ATR: variants seen among roughly 807,000 people sequenced by gnomAD.
ATR encodes the protein serine/threonine-protein kinase ATR.
In ATR, 142 loss-of-function variants were observed where a neutral mutation model predicts 305.3. The ratio of observed to expected loss-of-function variants is 0.47; its 90% CI spans 0.41 to 0.53. ATR has a LOEUF of 0.53. ATR is among the 20% of genes least tolerant of loss of function. ATR has a pLI of 0.00. For synonymous variants in ATR, 1,050 were observed against 1,068.1 expected (o/e 0.98, Z 0.33); for missense variants, 2,135 against 3,133.1 (o/e 0.68, Z 7.60).
intron 21 of ATR, among the ~76,000 whole-genome samples, chr3:142,527,252 T>C (rs1043354500): frequency 3.3e-5 from 5 of 152,194 alleles, no homozygotes; most frequent in African/African-American, 7.2e-5. Context: ...ATGGAAGTTT[T>C]CTTTCATTTC....
intron 21 of ATR, among the ~76,000 whole-genome samples, chr3:142,528,869 ATATATATATATTTTTTT>A (rs1312380994): frequency 8.5e-5 from 5 of 58,540 alleles, no homozygotes; most frequent in African/African-American, 6.3e-4. Context: ...ATATATATAT[ATATATATATATTTTTTT>A]TTTTTTTTTT....
chr3:142,547,775 T>C lies in ATR; in HGVS notation c.3307A>G (p.Ser1103Gly), dbSNP rs142583176. Reference sequence around the variant, plus strand: ...CTCGGGCCCTGATATGGATCATCACTGGATGCAAATGAGGCAAGTATTGAC... The same window carrying C: ...CTCGGGCCCTGATATGGATCATCACCGGATGCAAATGAGGCAAGTATTGAC... The part of the protein sequence containing the change: ...GLSILASFAS[S>G]DDPYQGPRDI... The change falls in exon 16 of 47, where the codon AGT (serine) becomes GGT (glycine). Residue 1103 changes from serine to glycine, a missense_variant. Ser to Gly is a moderately conservative substitution (Grantham distance 56). Around this residue, in one of 9 missense-constraint regions of ATR, gnomAD observed 530 missense variants for 766.8 expected, o/e 0.69. Coordinates refer to ENST00000350721, the MANE Select transcript of ATR (RefSeq NM_001184.4). 2.5e-6 allele frequency: 4 copies of C among 1,614,014 alleles called. No homozygotes were observed. The highest frequency in any genetic ancestry group is 3.4e-6 in the Non-Finnish European group (4 of 1,179,930).
chr3:142,554,732 G>A (rs1036644679), intron 10 of ATR, among the ~76,000 whole-genome samples: 50 of 151,932 alleles, frequency 3.3e-4, no homozygotes, highest in African/African-American at 1.2e-3. Context: ...AGACCAGCCT[G>A]GGCAACAAAG....
intron 16 of ATR, among the ~76,000 whole-genome samples, chr3:142,546,850 A>G (rs1395318437): frequency 6.6e-6 from 1 of 152,218 alleles, no homozygotes; most frequent in Non-Finnish European, 1.5e-5. Flanking sequence ...GACAAAAGGA[A>G]TTTCATGGAA....
Position 142,498,759 on chromosome 3 carries a change from G to A in ATR, c.5396C>T (p.Thr1799Ile), listed in dbSNP as rs148117747. The A allele has an allele frequency of 6.2e-7, 1 of 1,614,028 alleles. No homozygotes were observed. Among genetic ancestry groups the A allele is most frequent in the Non-Finnish European group, 8.5e-7 (1 of 1,179,978 alleles). The change falls in exon 32 of 47, where the codon ACA (threonine) becomes ATA (isoleucine). Residue 1799 changes from threonine to isoleucine, a missense_variant. Physicochemically the swap from Thr to Ile is moderately conservative, Grantham distance 89. Transcript: ENST00000350721. ...TAGCTGTCCCAGTCTGACACTCCAT[G>A]TTGTAGATTTTCCATCTGAAAAACA... ...NYLAADGKST[T>I]WSVRLGQLLL...
At chr3:142,491,519 G>T (rs530544998) in intron 35 of ATR, among the ~76,000 whole-genome samples, 1 of 152,290 alleles carries the variant, frequency 6.6e-6, no homozygotes, top group Admixed American at 6.5e-5. Flanking sequence ...GAGTTTTTGT[G>T]TGCCTCATAA....
At chr3:142,574,049 CAG>C (rs1352292193) in intron 1 of ATR, among the ~76,000 whole-genome samples, 2 of 152,166 alleles carry the variant, frequency 1.3e-5, no homozygotes, top group African/African-American at 2.4e-5. Flanking sequence ...GGGTAGTGGT[CAG>C]AGTTTCTTAC....
At chr3:142,515,937 G>C (rs1390046449) in intron 24 of ATR, among the ~76,000 whole-genome samples, 1 of 152,122 alleles carries the variant, frequency 6.6e-6, no homozygotes, top group East Asian at 1.9e-4. Flanking sequence ...TGTCTAGCTG[G>C]AGCACTTAAT....
chr3:142,477,444 A>G (rs1319764101), intron 36 of ATR, among the ~76,000 whole-genome samples: 4 of 152,174 alleles, frequency 2.6e-5, no homozygotes, highest in African/African-American at 9.7e-5. Flanking sequence ...GATGAAGCCC[A>G]CTTCATCATG....
At chr3:142,480,551 G>A (rs1027394703) in intron 36 of ATR, among the ~76,000 whole-genome samples, 2 of 152,326 alleles carry the variant, frequency 1.3e-5, no homozygotes, top group East Asian at 3.9e-4. Context: ...CACTTGAGGA[G>A]GCAGTCTGTC....
intron 21 of ATR, among the ~76,000 whole-genome samples, chr3:142,526,819 C>T (rs985066224): frequency 4.0e-5 from 6 of 151,266 alleles, no homozygotes; most frequent in African/African-American, 1.5e-4. Context: ...GACAGGGTCC[C>T]GCTCTGTTGC....
chr3:142,546,206 C>CT (rs1459501274), intron 16 of ATR, among the ~76,000 whole-genome samples: 1 of 152,122 alleles, frequency 6.6e-6, no homozygotes, highest in Non-Finnish European at 1.5e-5. Context: ...GTAGTTCTGG[C>CT]AGTGGCTATG....
At chr3:142,529,259 AT>A (rs2033543814) in intron 21 of ATR, among the ~76,000 whole-genome samples, 1 of 151,946 alleles carries the variant, frequency 6.6e-6, no homozygotes, top group Non-Finnish European at 1.5e-5. Flanking sequence ...AATTAAGGTA[AT>A]TTTTTGAAAT....
chr3:142,505,044 AAAAACAAAAC>A (rs540593291), intron 29 of ATR, 85 bp downstream of exon 29: 3 of 1,484,158 alleles, frequency 2.0e-6, no homozygotes, highest in African/African-American at 1.4e-5. Flanking sequence ...ACTCTGTCTC[AAAAACAAAAC>A]AAAACAAAAC....
chr3:142,478,568 T>C (rs1335606870), intron 36 of ATR, among the ~76,000 whole-genome samples: 1 of 152,208 alleles, frequency 6.6e-6, no homozygotes, highest in African/African-American at 2.4e-5. Context: ...TATATTCTGT[T>C]GATTTGGGGT....
Position 142,550,295 on chromosome 3 carries a change from A to G in ATR, c.2813T>C (p.Val938Ala). ...QYKKPICQFLVESLHSSQMTA... is the reference protein window; with the variant it reads ...QYKKPICQFLAESLHSSQMTA... The stretch of plus-strand genomic sequence containing the variant: ...CATCTGACTAGAGTGAAGGGATTCT[A>G]CCAAAAACTAGAGCAAAAACCATTT... Residue 938 changes from valine (V) to alanine (A), a missense_variant, in exon 14 of 47, where the codon GTA becomes GCA. Physicochemically the swap from Val to Ala is moderately conservative, Grantham distance 64. Coordinates refer to ENST00000350721, the MANE Select transcript of ATR (RefSeq NM_001184.4). 9.3e-6 allele frequency: 15 copies of G among 1,614,140 alleles called. No homozygotes were observed. The highest frequency in any genetic ancestry group is 1.3e-5 in the Non-Finnish European group (15 of 1,179,980).
At chr3:142,574,048 TCAGAGTTTCTTA>T (rs1441327498) in intron 1 of ATR, among the ~76,000 whole-genome samples, 1 of 152,246 alleles carries the variant, frequency 6.6e-6, no homozygotes, top group Non-Finnish European at 1.5e-5. Context: ...TGGGTAGTGG[TCAGAGTTTCTTA>T]CAAAGTTTCA....
chr3:142,494,412 A>C (rs2031468405), intron 34 of ATR, among the ~76,000 whole-genome samples: 1 of 152,258 alleles, frequency 6.6e-6, no homozygotes, highest in South Asian at 2.1e-4. Context: ...TATGTGAAAT[A>C]AAAGCATATT....
At chr3:142,466,179 A>T in intron 40 of ATR, 145 bp downstream of exon 40, 1 of 927,336 alleles carries the variant, frequency 1.1e-6, no homozygotes, top group Non-Finnish European at 1.6e-6. Flanking sequence ...AGTACAAATG[A>T]GTTTAGTTTT....
Sources: allele counts gnomAD v4.1 joint callset (sites outside exome capture counted in the v4.1 genomes callset), GRCh38; gene constraint gnomAD v4.1.1; regional missense constraint gnomAD v4.1.1; transcripts MANE v1.5; gene names NCBI Gene and HGNC (gene_info 2026-07-23, HGNC 2026-07-21).